Variants in ANGEL1 observed in about 807,000 individuals in gnomAD.
The protein encoded by ANGEL1 is RNA 2',3'-cyclic phosphatase ANGEL1.
Under a neutral mutation model 76.4 loss-of-function variants are expected in ANGEL1, and 62 were observed. The ratio of observed to expected loss-of-function variants is 0.81; its 90% CI spans 0.66 to 1.00. The LOEUF (loss-of-function observed/expected upper bound fraction) is 1.00. ANGEL1 is among the 50% of genes least tolerant of loss of function. The pLI, the probability that ANGEL1 is intolerant of heterozygous loss-of-function variation, is 0.00. For synonymous variants in ANGEL1, 340 were observed against 331.7 expected (o/e 1.03, Z -0.27); for missense variants, 737 against 836.7 (o/e 0.88, Z 1.47).
intron 1 of ANGEL1, chr14:76,812,417 A>G: frequency 9.0e-7 from 1 of 1,115,444 alleles, no homozygotes; most frequent in Non-Finnish European, 1.1e-6. Flanking sequence ...CCCCTTCCCG[A>G]CCCGCCGGGG....
chr14:76,811,934 A>G (rs1459463416), intron 1 of ANGEL1, among the ~76,000 whole-genome samples: 1 of 152,212 alleles, frequency 6.6e-6, no homozygotes, highest in Non-Finnish European at 1.5e-5. Context: ...AAAACCACAG[A>G]ATATACAATT....
At position 76,809,506 on chromosome 14, in the gene ANGEL1, C is replaced by A. The variant is rs150819564; in HGVS notation, c.202G>T (p.Gly68Trp). Residue 68 changes from glycine (G) to tryptophan (W), a missense_variant, in exon 2 of 10, where the codon GGG becomes TGG. Gly to Trp is a radical substitution (Grantham distance 184). Coordinates refer to ENST00000251089, the MANE Select transcript of ANGEL1 (RefSeq NM_015305.4). ...EGLLQQWREE[G>W]LSQVLSTASE... is the part of the protein sequence containing the mutation. ...GCAGTTGAGAGCACCTGGCTCAACC[C>A]TTCTTCTCGCCACTGCTGCAGCAGG... is the stretch of plus-strand genomic sequence containing the variant. 2.5e-5 allele frequency: 40 copies of A among 1,614,270 alleles called. No individual in the cohort carries two copies. The African/African-American group carries it at 5.2e-4, about 21-fold the overall frequency.
chr14:76,807,336 G>T, intron 4 of ANGEL1, 97 bp downstream of exon 4: 1 of 1,243,484 alleles, frequency 8.0e-7, no homozygotes, highest in Non-Finnish European at 1.1e-6. Context: ...TGAAACTGAG[G>T]GTTTACTAAG....
chr14:76,794,129 G>C (rs888133639), intron 7 of ANGEL1, among the ~76,000 whole-genome samples: 1 of 152,156 alleles, frequency 6.6e-6, no homozygotes, highest in Non-Finnish European at 1.5e-5. Context: ...TTTTTGACAA[G>C]GGGAGAAGTA....
chr14:76,808,488 T>C (rs1894987679), intron 2 of ANGEL1, among the ~76,000 whole-genome samples: 1 of 147,928 alleles, frequency 6.8e-6, no homozygotes, highest in Non-Finnish European at 1.5e-5. Flanking sequence ...TCACCTGAGG[T>C]TAAAGACATT....
chr14:76,796,935 C>CACACACACAAAATCACAGTG (rs1187390688), intron 7 of ANGEL1, among the ~76,000 whole-genome samples: 3 of 152,176 alleles, frequency 2.0e-5, no homozygotes, highest in Non-Finnish European at 4.4e-5. Context: ...GCCACACACA[C>CACACACACAAAATCACAGTG]ACACACACAA....
chr14:76,798,824 T>C (rs1193125217), intron 7 of ANGEL1, among the ~76,000 whole-genome samples: 1 of 151,696 alleles, frequency 6.6e-6, no homozygotes, highest in Admixed American at 6.6e-5. Flanking sequence ...GTCGCATGTC[T>C]GTAATCCCAG....
chr14:76,812,720 GAGCCCTGGCCGGGCTCCTGTCTGT>G lies in ANGEL1; in HGVS notation c.64+20_64+43del. 6.7e-7 allele frequency: 1 copy of G among 1,486,148 alleles called. No homozygotes were observed. The highest frequency in any genetic ancestry group is 8.9e-7 in the Non-Finnish European group (1 of 1,121,884). The allele number at this position is 1,486,148 out of a possible 1,614,324, so 92.1% of individuals were successfully genotyped here. On this transcript the variant is annotated intron_variant, in intron 1 of 9. Coordinates refer to ENST00000251089, the MANE Select transcript of ANGEL1 (RefSeq NM_015305.4). ...CAGGCCCGCGGAGCCCCGCAGAGGC[GAGCCCTGGCCGGGCTCCTGTCTGT>G]CGGTACGCCTGGCCGGTACCTGAGA...
chr14:76,812,730 C>A, intron 1 of ANGEL1, 34 bp downstream of exon 1: 5 of 1,496,294 alleles, frequency 3.3e-6, no homozygotes, highest in African/African-American at 1.4e-5. Flanking sequence ...GAGCCCTGGC[C>A]GGGCTCCTGT....
At chr14:76,810,581 TAC>T (rs1198433858) in intron 1 of ANGEL1, among the ~76,000 whole-genome samples, 1 of 152,230 alleles carries the variant, frequency 6.6e-6, no homozygotes, top group Non-Finnish European at 1.5e-5. Context: ...CAAAAATCTA[TAC>T]AATTTACATC....
intron 7 of ANGEL1, among the ~76,000 whole-genome samples, chr14:76,801,704 T>C (rs1419040829): frequency 6.6e-6 from 1 of 152,216 alleles, no homozygotes; most frequent in Non-Finnish European, 1.5e-5. Flanking sequence ...CTACTTGTGC[T>C]GCATACAATT....
At chr14:76,791,843 T>C (rs746015701) in intron 7 of ANGEL1, among the ~76,000 whole-genome samples, 16 of 152,100 alleles carry the variant, frequency 1.1e-4, no homozygotes, top group Non-Finnish European at 1.9e-4. Context: ...TACATACATA[T>C]TACATATATG....
chr14:76,790,147 CCAGTAATACACGTGCCTGGCCATAA>C (rs1894360462), intron 9 of ANGEL1, among the ~76,000 whole-genome samples: 1 of 152,116 alleles, frequency 6.6e-6, no homozygotes, highest in African/African-American at 2.4e-5. Flanking sequence ...CCGGTGTGAA[CCAGTAATACACGTGCCTGGCCATAA>C]CAGTAATACA....
In ANGEL1 at chr14:76,808,069, G is replaced by A. The variant is rs960999677; in HGVS notation, c.729C>T (p.Phe243=). Residue 243 remains phenylalanine (F), a synonymous_variant, in exon 3 of 10, where the codon TTC becomes TTT. Transcript: ENST00000251089. ...TGTTATAAGACATCAGAGTGAACTGGAACTGAGGGCCATCTCCTGCCTTCA... is the reference window on the plus strand; with the variant it reads ...TGTTATAAGACATCAGAGTGAACTGAAACTGAGGGCCATCTCCTGCCTTCA... ...QGLKAGDGPQ[F]QFTLMSYNIL... 6.2e-7 allele frequency: 1 copy of A among 1,614,090 alleles called. No individual in the cohort carries two copies. Among genetic ancestry groups the A allele is most frequent in the Non-Finnish European group, 8.5e-7 (1 of 1,180,040 alleles).
intron 7 of ANGEL1, 147 bp downstream of exon 7, chr14:76,803,224 C>G: frequency 3.0e-6 from 2 of 670,438 alleles, no homozygotes; most frequent in South Asian, 4.3e-5. Context: ...GGCCACTGAA[C>G]TCAACTAACC....
At chr14:76,797,265 T>C (rs539076714) in intron 7 of ANGEL1, among the ~76,000 whole-genome samples, 24 of 152,288 alleles carry the variant, frequency 1.6e-4, no homozygotes, top group Admixed American at 1.6e-3. Context: ...GTAGGCTTGT[T>C]AAAAAACAAA....
At chr14:76,803,758 G>A (rs1894833515) in intron 6 of ANGEL1, 28 bp downstream of exon 6, 1 of 1,580,156 alleles carries the variant, frequency 6.3e-7, no homozygotes, top group Non-Finnish European at 8.6e-7. Flanking sequence ...TGAAGACACA[G>A]CCAACCAAGA....
intron 8 of ANGEL1, 98 bp from the exon 9 acceptor site, chr14:76,790,872 G>A (rs1894385746): frequency 6.3e-6 from 9 of 1,420,722 alleles, no homozygotes; most frequent in Non-Finnish European, 8.4e-6. Flanking sequence ...TTAAAAGGAT[G>A]ATCTCAGATG....
intron 2 of ANGEL1, among the ~76,000 whole-genome samples, chr14:76,808,529 T>C (rs1894989425): frequency 6.6e-6 from 1 of 151,140 alleles, no homozygotes; most frequent in South Asian, 2.1e-4. Context: ...GGGTGTTTTC[T>C]GACCCCTAAA....
Sources: allele counts gnomAD v4.1 joint callset (sites outside exome capture counted in the v4.1 genomes callset), GRCh38; gene constraint gnomAD v4.1.1; transcripts MANE v1.5; gene names NCBI Gene and HGNC (gene_info 2026-07-23, HGNC 2026-07-21).